GDA: variants seen among roughly 807,000 people sequenced by gnomAD.
GDA encodes cytoplasmic PSD-95 interactor.
Under a neutral mutation model 59.6 loss-of-function variants are expected in GDA, and 18 were observed. The observed-to-expected ratio is 0.30, with a 90% CI of 0.21 to 0.45. The LOEUF (loss-of-function observed/expected upper bound fraction) is 0.45, where lower values mean the gene tolerates loss of function less well. Among genes scored for constraint, GDA ranks in the 20% least tolerant of loss-of-function variants. The probability of loss-of-function intolerance (pLI) is 1.00; values close to 1 mark genes in which losing one functional copy is unlikely to be tolerated. For synonymous variants in GDA, 201 were observed against 201.1 expected (o/e 1.00, Z 0.00); for missense variants, 427 against 552.3 (o/e 0.77, Z 2.27).
chr9:72,248,659 AT>A lies in GDA; in HGVS notation c.*320del. 2 of 1,054,544 alleles carry A rather than the reference AT, an allele frequency of 1.9e-6. No homozygotes were observed. Among genetic ancestry groups the A allele is most frequent in the South Asian group, 8.2e-5 (2 of 24,310 alleles). 65.3% of individuals were successfully genotyped at this position (1,054,544 alleles called of 1,614,324 possible). ...AAGACTTAAGCAAAGCCTTTTTCAT[AT>A]TTGAAAATGTGGAAAGAAAAGATGT... On this transcript the variant is annotated 3_prime_UTR_variant, in exon 14 of 14. Coordinates refer to ENST00000358399, the MANE Select transcript of GDA (RefSeq NM_004293.5).
At chr9:72,232,814 A>G (rs1012627084) in intron 10 of GDA, among the ~76,000 whole-genome samples, 4 of 152,192 alleles carry the variant, frequency 2.6e-5, no homozygotes, top group African/African-American at 9.7e-5. Flanking sequence ...TCAAGGATTC[A>G]TTTCCTGATT....
intron 1 of GDA, among the ~76,000 whole-genome samples, chr9:72,152,135 G>A (rs1554725865): frequency 6.6e-6 from 1 of 152,118 alleles, no homozygotes; most frequent in Non-Finnish European, 1.5e-5. Context: ...TTGAATAACT[G>A]TAACACATAG....
chr9:72,224,771 G>T (rs184958287), intron 7 of GDA, among the ~76,000 whole-genome samples: 47 of 150,336 alleles, frequency 3.1e-4, no homozygotes, highest in African/African-American at 1.0e-3. Flanking sequence ...TATATTCAGT[G>T]CCGAGAGAAT....
chr9:72,248,659 A>C lies in GDA; in HGVS notation c.*317A>C. 9.5e-7 allele frequency: 1 copy of C among 1,054,544 alleles called. No individual in the cohort carries two copies. The highest frequency in any genetic ancestry group is 1.1e-6 in the Non-Finnish European group (1 of 873,774). The allele number at this position is 1,054,544 out of a possible 1,614,324, so 65.3% of individuals were successfully genotyped here. A position where few individuals can be genotyped will look rare whatever the true frequency, so the allele number is the denominator to read the frequency against. On this transcript the variant is annotated 3_prime_UTR_variant, in exon 14 of 14. Transcript: ENST00000358399. Reference sequence around the variant, plus strand: ...AAGACTTAAGCAAAGCCTTTTTCATATTTGAAAATGTGGAAAGAAAAGATG... The same window carrying C: ...AAGACTTAAGCAAAGCCTTTTTCATCTTTGAAAATGTGGAAAGAAAAGATG...
At chr9:72,153,007 A>G (rs993047470) in intron 1 of GDA, among the ~76,000 whole-genome samples, 4 of 152,166 alleles carry the variant, frequency 2.6e-5, no homozygotes, top group African/African-American at 9.7e-5. Context: ...CTTTCTACAT[A>G]TGGCTAGCCA....
At chr9:72,130,665 G>T (rs970976620) in intron 1 of GDA, among the ~76,000 whole-genome samples, 1 of 152,192 alleles carries the variant, frequency 6.6e-6, no homozygotes, top group Non-Finnish European at 1.5e-5. Flanking sequence ...TATGATTGAG[G>T]TGGCTAAAGA....
intron 1 of GDA, among the ~76,000 whole-genome samples, chr9:72,160,274 A>C (rs1436491286): frequency 6.6e-6 from 1 of 152,170 alleles, no homozygotes. Context: ...GCGCTACTGC[A>C]CTCCAGCCTG....
intron 1 of GDA, among the ~76,000 whole-genome samples, chr9:72,117,543 T>C (rs945645240): frequency 2.0e-5 from 3 of 152,184 alleles, no homozygotes; most frequent in Non-Finnish European, 4.4e-5. Context: ...TTCAAGGTGG[T>C]AGTCATGGTT....
intron 8 of GDA, among the ~76,000 whole-genome samples, chr9:72,226,373 T>C (rs1837586115): frequency 6.6e-6 from 1 of 152,210 alleles, no homozygotes. Flanking sequence ...TATGTATAGA[T>C]GCATGCTTAC....
intron 1 of GDA, among the ~76,000 whole-genome samples, chr9:72,127,761 TGTC>T (rs1363126680): frequency 2.0e-5 from 3 of 152,180 alleles, no homozygotes; most frequent in Non-Finnish European, 2.9e-5. Context: ...TTATCTGTCT[TGTC>T]GTGAGGATCA....
intron 1 of GDA, among the ~76,000 whole-genome samples, chr9:72,132,991 C>T (rs1272466238): frequency 3.3e-5 from 5 of 151,992 alleles, no homozygotes; most frequent in African/African-American, 1.2e-4. Context: ...TCTCTGGTAA[C>T]AAGAAATAAT....
intron 1 of GDA, among the ~76,000 whole-genome samples, chr9:72,123,482 C>CTTTT (rs11357949): frequency 2.5e-4 from 19 of 76,638 alleles, no homozygotes; most frequent in Non-Finnish European, 4.5e-4. Flanking sequence ...CATGCCCGGC[C>CTTTT]TTTTTTTTTT....
At chr9:72,231,490 G>A (rs950917370) in intron 10 of GDA, among the ~76,000 whole-genome samples, 8 of 151,804 alleles carry the variant, frequency 5.3e-5, no homozygotes, top group Admixed American at 3.3e-4. Flanking sequence ...GTGTGAACCC[G>A]GGAGGCGGAG....
chr9:72,183,709 T>C (rs1831544094), intron 1 of GDA, among the ~76,000 whole-genome samples: 2 of 152,318 alleles, frequency 1.3e-5, no homozygotes, highest in East Asian at 1.9e-4. Flanking sequence ...TAGTGCCTCA[T>C]AGGGTTCTTG....
chr9:72,214,097 GGATGTGCACATA>G (rs1835778014), intron 5 of GDA, 106 bp downstream of exon 5: 11 of 685,398 alleles, frequency 1.6e-5, no homozygotes. Flanking sequence ...CACCCAGTTG[GGATGTGCACATA>G]GTGACTCAGA....
At chr9:72,124,395 G>A (rs1315496389) in intron 1 of GDA, among the ~76,000 whole-genome samples, 2 of 152,132 alleles carry the variant, frequency 1.3e-5, no homozygotes, top group African/African-American at 2.4e-5. Context: ...ACTATAATAT[G>A]CCATTGATCA....
intron 1 of GDA, among the ~76,000 whole-genome samples, chr9:72,124,668 T>G (rs1825784005): frequency 1.3e-5 from 2 of 152,230 alleles, no homozygotes; most frequent in Admixed American, 1.3e-4. Flanking sequence ...ATAAGCTCCT[T>G]GAAGGAGTTT....
intron 1 of GDA, among the ~76,000 whole-genome samples, chr9:72,163,075 A>G (rs563698722): frequency 9.2e-5 from 14 of 152,306 alleles, no homozygotes; most frequent in Admixed American, 5.2e-4. Flanking sequence ...GTGGACCACA[A>G]AAGAGACAGG....
chr9:72,135,084 T>C (rs990670009), intron 1 of GDA, among the ~76,000 whole-genome samples: 6 of 152,182 alleles, frequency 3.9e-5, no homozygotes, highest in Non-Finnish European at 7.3e-5. Flanking sequence ...ACTCCACTCA[T>C]TTTTTTCTCT....
Sources: allele counts gnomAD v4.1 joint callset (sites outside exome capture counted in the v4.1 genomes callset), GRCh38; gene constraint gnomAD v4.1.1; transcripts MANE v1.5; gene names NCBI Gene and HGNC (gene_info 2026-07-23, HGNC 2026-07-21).